CRIP3: variants seen among roughly 807,000 people sequenced by gnomAD.
CRIP3 encodes cysteine-rich protein 3.
CRIP3 carries 23 observed loss-of-function variants against 30.3 expected under a neutral mutation model. The ratio of observed to expected loss-of-function variants is 0.76; its 90% CI spans 0.55 to 1.08. The LOEUF (loss-of-function observed/expected upper bound fraction) is 1.08, where lower values mean the gene tolerates loss of function less well. Among genes scored for constraint, CRIP3 ranks in the 50% least tolerant of loss-of-function variants. The probability of loss-of-function intolerance (pLI) is 0.00; values close to 1 mark genes in which losing one functional copy is unlikely to be tolerated. For synonymous variants in CRIP3, 89 were observed against 97.6 expected, an observed-to-expected ratio of 0.91 and a Z score of 0.52; for missense variants, 261 against 259.3, an observed-to-expected ratio of 1.01 and a Z score of -0.04.
chr6:43,308,241 G>A (rs568242892), intron 2 of CRIP3, 74 bp downstream of exon 2: 1 of 1,338,442 alleles, frequency 7.5e-7, no homozygotes, highest in Non-Finnish European at 1.0e-6. Flanking sequence ...CTCCAGTGCT[G>A]AAGTTGGGGG....
rs374123253 is a variant in CRIP3 at position 43,307,815 on chromosome 6, T to C, written c.196+24A>G. ...CCACAAGGAGGGTTCTGCTGACCCA[T>C]GGCCCCTTAAGGCTGGTACTTACCC... On this transcript the variant is annotated intron_variant, in intron 3 of 7. Transcript: ENST00000372569. 35 of 1,613,644 alleles carry C rather than the reference T, an allele frequency of 2.2e-5. No homozygotes were observed. The African/African-American group carries it at 3.3e-4, about 15-fold the overall frequency.
intron 1 of CRIP3, 118 bp downstream of exon 1, chr6:43,308,632 A>C: frequency 7.7e-7 from 1 of 1,297,306 alleles, no homozygotes; most frequent in Non-Finnish European, 1.1e-6. Flanking sequence ...GGAGACTACC[A>C]GCCGCTGCAG....
At chr6:43,308,725 TC>T in intron 1 of CRIP3, 24 bp downstream of exon 1, 1 of 1,613,278 alleles carries the variant, frequency 6.2e-7, no homozygotes. Flanking sequence ...CCCCATCTTC[TC>T]CCCCTCCGCA....
intron 4 of CRIP3, 31 bp downstream of exon 4, chr6:43,307,581 G>A: frequency 7.1e-7 from 1 of 1,408,208 alleles, no homozygotes; most frequent in Non-Finnish European, 9.3e-7. Flanking sequence ...GGGTCGGGAG[G>A]AGGACTGGGA....
Position 43,305,646 on chromosome 6 carries a change from A to T in CRIP3, c.*168T>A. ...CAGATAGAAATGGGAAAGGGAAAAAATTGGCAGAGAAAGTCTAGACTCTCT... is the reference window on the plus strand; with the variant it reads ...CAGATAGAAATGGGAAAGGGAAAAATTTGGCAGAGAAAGTCTAGACTCTCT... On this transcript the variant is annotated 3_prime_UTR_variant, in exon 8 of 8. Coordinates refer to ENST00000372569, the MANE Select transcript of CRIP3 (RefSeq NM_206922.3). 13 of 820,004 alleles carry T rather than the reference A, an allele frequency of 1.6e-5. No homozygotes were observed. Among genetic ancestry groups the T allele is most frequent in the Non-Finnish European group, 2.6e-5 (13 of 508,860 alleles). 50.8% of individuals were successfully genotyped at this position (820,004 alleles called of 1,614,324 possible).
At chr6:43,308,666 AC>A in intron 1 of CRIP3, 83 bp downstream of exon 1, 1 of 1,542,096 alleles carries the variant, frequency 6.5e-7, no homozygotes, top group Non-Finnish European at 9.0e-7. Flanking sequence ...CTGGGACTAC[AC>A]TGTGGCTAGC....
At position 43,307,915 on chromosome 6, in the gene CRIP3, A is replaced by G. The variant is rs1778981382; in HGVS notation, c.139-19T>C. 1 of 1,612,978 alleles carries G rather than the reference A, an allele frequency of 6.2e-7. No homozygotes were observed. The highest frequency in any genetic ancestry group is 2.2e-5 in the East Asian group (1 of 44,830). ...CATTGTGCTGGGCACAAGCAGAGGG[A>G]AGTGGGTTACTCAAGGCCAGCGGGA... On this transcript the variant is annotated intron_variant, in intron 2 of 7. Coordinates refer to ENST00000372569, the MANE Select transcript of CRIP3 (RefSeq NM_206922.3).
rs771047248 is a variant in CRIP3, at chr6:43,307,710, T to C, written c.230A>G (p.Tyr77Cys). The C allele has an allele frequency of 6.4e-7, 1 of 1,569,014 alleles. No individual in the cohort carries two copies. Among genetic ancestry groups the C allele is most frequent in the South Asian group, 1.2e-5 (1 of 86,764 alleles). ...GCCAGGGCTGGGAGTGGGGGGATTG[T>C]ACAAGTAGGAGCCTACACCACCAAT... ...VNIGGVGSYL[Y>C]NPPTPSPGCT... The change falls in exon 4 of 8, where the codon TAC (tyrosine) becomes TGC (cysteine). Residue 77 changes from tyrosine (Y) to cysteine (C), a missense_variant. Transcript: ENST00000372569.
intron 5 of CRIP3, 58 bp downstream of exon 5, chr6:43,306,388 C>A: frequency 6.2e-7 from 1 of 1,606,140 alleles, no homozygotes; most frequent in Non-Finnish European, 8.5e-7. Flanking sequence ...TGGATCACCT[C>A]CCTCCCCCTT....
rs377710615 is a variant in CRIP3 at position 43,307,992 on chromosome 6, A to G, written c.139-96T>C. 181 of 1,353,968 alleles carry G rather than the reference A, an allele frequency of 1.3e-4. 1 individual carries two copies. In the African/African-American group the frequency reaches 2.3e-3, roughly 17 times the overall value. The allele number at this position is 1,353,968 out of a possible 1,614,324, so 83.9% of individuals were successfully genotyped here. A position where few individuals can be genotyped will look rare whatever the true frequency, so the allele number is the denominator to read the frequency against. ...GACAGGCTGCCAGGTGTGTCTGTCC[A>G]CTGGCTGAGTCTGGTGGGCCTGGGA... On this transcript the variant is annotated intron_variant, in intron 2 of 7. Transcript: ENST00000372569.
intron 1 of CRIP3, 82 bp downstream of exon 1, chr6:43,308,668 T>A: frequency 6.4e-7 from 1 of 1,551,448 alleles, no homozygotes; most frequent in South Asian, 1.1e-5. Context: ...GGGACTACAC[T>A]GTGGCTAGCC....
At chr6:43,308,512 C>T in intron 1 of CRIP3, 103 bp from the exon 2 acceptor site, 1 of 1,060,460 alleles carries the variant, frequency 9.4e-7, no homozygotes, top group Non-Finnish European at 1.4e-6. Context: ...GCCTGCCCTG[C>T]TTCCTGGAGA....
rs57187463 is a variant in CRIP3, at chr6:43,307,132, CTTTTTTTT to C, written c.328+472_328+479del. The C allele has an allele frequency of 2.4e-3, 128 of 54,424 alleles. 1 individual carries two copies. The East Asian group carries it at 0.03, about 13-fold the overall frequency. 3.4% of individuals were successfully genotyped at this position (54,424 alleles called of 1,614,324 possible). A position where few individuals can be genotyped will look rare whatever the true frequency, so the allele number is the denominator to read the frequency against. ...ATAATGCCATCTGCCCAATTAACCT[CTTTTTTTT>C]TTTTTTTTTTTTTTTTTGAGATGGA... On this transcript the variant is annotated intron_variant, in intron 4 of 7. Coordinates refer to ENST00000372569, the MANE Select transcript of CRIP3 (RefSeq NM_206922.3).
chr6:43,308,787 G>C lies in CRIP3; in HGVS notation c.6C>G (p.Ser2Arg). ...GTTGCTGGCAACGCGGACAGGTCCA[G>C]CTCATAGCTCCGCTCCAGGCAGCGC... Reference protein sequence around the residue: MSWTCPRCQQPV... With the variant: MRWTCPRCQQPV... Residue 2 changes from serine (S) to arginine (R), a missense_variant, in exon 1 of 8, where the codon AGC becomes AGG. Physicochemically the swap from Ser to Arg is moderately radical, Grantham distance 110 (BLOSUM62 -1). Coordinates refer to ENST00000372569, the MANE Select transcript of CRIP3 (RefSeq NM_206922.3). 1 of 1,614,130 alleles carries C rather than the reference G, an allele frequency of 6.2e-7. No individual in the cohort carries two copies. Among genetic ancestry groups the C allele is most frequent in the South Asian group, 1.1e-5 (1 of 91,084 alleles).
chr6:43,307,877 C>T lies in CRIP3; in HGVS notation c.158G>A (p.Cys53Tyr). Reference sequence around the variant, plus strand: ...GAGAGCCCCATAGCATGGCTTGTGGCAGTATGGCCTCCCATTGTGCTGGGC... The same window carrying T: ...GAGAGCCCCATAGCATGGCTTGTGGTAGTATGGCCTCCCATTGTGCTGGGC... ...GHAEHNGRPYCHKPCYGALFG... is the reference protein window; with the variant it reads ...GHAEHNGRPYYHKPCYGALFG... The change falls in exon 3 of 8, where the codon TGC becomes TAC. Residue 53 changes from cysteine (C) to tyrosine (Y), a missense_variant. Physicochemically the swap from Cys to Tyr is radical, Grantham distance 194. Coordinates refer to ENST00000372569, the MANE Select transcript of CRIP3 (RefSeq NM_206922.3). 6.2e-7 allele frequency: 1 copy of T among 1,613,810 alleles called. No homozygotes were observed. The highest frequency in any genetic ancestry group is 1.1e-5 in the South Asian group (1 of 91,080).
At position 43,308,353 on chromosome 6, in the gene CRIP3, G is replaced by C; in HGVS notation, c.100C>G (p.Arg34Gly). 1.9e-6 allele frequency: 3 copies of C among 1,612,466 alleles called. No individual in the cohort carries two copies. The highest frequency in any genetic ancestry group is 2.5e-6 in the Non-Finnish European group (3 of 1,179,558). Residue 34 changes from arginine to glycine, a missense_variant, in exon 2 of 8, where the codon CGC (arginine) becomes GGC (glycine). By Grantham distance (125) the Arg-to-Gly change is moderately radical. Transcript: ENST00000372569. ...CCAGGGGACAGGATGCTGTGGCAGC[G>C]CTCACATTTCAGGCAGAAGCGGTGC... is the stretch of plus-strand genomic sequence containing the variant. ...NWHRFCLKCE[R>G]CHSILSPGGH...
chr6:43,305,932 C>G lies in CRIP3; in HGVS notation c.554-57G>C, dbSNP rs1367254915. ...TGGGTCTGTGGTGCAGGGTTCAGGC[C>G]TAGAGGGAACTTGGTGGGGGGGCCA... On this transcript the variant is annotated intron_variant, in intron 7 of 7. Coordinates refer to ENST00000372569, the MANE Select transcript of CRIP3 (RefSeq NM_206922.3). 1.9e-6 allele frequency: 3 copies of G among 1,612,376 alleles called. No homozygotes were observed. The African/African-American group carries it at 4.0e-5, about 22-fold the overall frequency.
chr6:43,308,565 CA>C (rs1271473565), intron 1 of CRIP3, 156 bp from the exon 2 acceptor site: 2 of 920,032 alleles, frequency 2.2e-6, no homozygotes, highest in African/African-American at 3.3e-5. Context: ...TCCGGTTTCA[CA>C]CTCCCCACAG....
At position 43,305,648 on chromosome 6, in the gene CRIP3, T is replaced by G. The variant is rs1032849209; in HGVS notation, c.*166A>C. 1 of 826,000 alleles carries G rather than the reference T, an allele frequency of 1.2e-6. No individual in the cohort carries two copies. Among genetic ancestry groups the G allele is most frequent in the Admixed American group, 2.7e-5 (1 of 37,600 alleles). 51.2% of individuals were successfully genotyped at this position (826,000 alleles called of 1,614,324 possible). A position where few individuals can be genotyped will look rare whatever the true frequency, so the allele number is the denominator to read the frequency against. On this transcript the variant is annotated 3_prime_UTR_variant, in exon 8 of 8. Transcript: ENST00000372569. ...GATAGAAATGGGAAAGGGAAAAAATTGGCAGAGAAAGTCTAGACTCTCTGG... is the reference window on the plus strand; with the variant it reads ...GATAGAAATGGGAAAGGGAAAAAATGGGCAGAGAAAGTCTAGACTCTCTGG...
Sources: gnomAD v4.1 joint callset for allele counts on GRCh38, gnomAD v4.1.1 for gene constraint, MANE v1.5 for transcripts, NCBI Gene and HGNC (gene_info 2026-07-23, HGNC 2026-07-21) for gene names.